The following GRM7 variants were observed in gnomAD, a reference collection of about 807,000 sequenced individuals.
GRM7 encodes glutamate metabotropic receptor 7, also known as metabotropic glutamate receptor 7.
In GRM7, 35 loss-of-function variants were observed where a neutral mutation model predicts 84.5. That is an observed-to-expected ratio of 0.41 (90% CI 0.32 to 0.55). GRM7 has a LOEUF of 0.55. Ranked by LOEUF, GRM7 falls within the 20% of genes least tolerant of loss-of-function variation. GRM7 has a pLI of 0.19. For missense variants in GRM7, 1,003 were observed against 1,194.6 expected (o/e 0.84, Z 2.36); for synonymous variants, 487 against 455.1 (o/e 1.07, Z -0.89).
At chr3:7,643,329 A>AAT (rs1698451053) in intron 8 of GRM7, among the ~76,000 whole-genome samples, 1 of 39,748 alleles carries the variant, frequency 2.5e-5, no homozygotes, top group African/African-American at 1.2e-4. Flanking sequence ...ATGAAAAACA[A>AAT]ACAAAAAAAA....
chr3:7,207,257 A>G (rs1696270960), intron 2 of GRM7, among the ~76,000 whole-genome samples: 1 of 152,130 alleles, frequency 6.6e-6, no homozygotes, highest in African/African-American at 2.4e-5. Flanking sequence ...GAGTTTGGAA[A>G]TATACTCGTG....
chr3:7,586,320 C>A (rs1435497431), intron 8 of GRM7, among the ~76,000 whole-genome samples: 1 of 151,966 alleles, frequency 6.6e-6, no homozygotes, highest in African/African-American at 2.4e-5. Context: ...CCAGCCATTC[C>A]TCTTATATAT....
intron 1 of GRM7, among the ~76,000 whole-genome samples, chr3:7,139,274 T>C (rs1221636846): frequency 6.6e-6 from 1 of 151,724 alleles, no homozygotes; most frequent in Non-Finnish European, 1.5e-5. Flanking sequence ...TCAAAGATGC[T>C]GGAAATAGTT....
intron 1 of GRM7, among the ~76,000 whole-genome samples, chr3:6,936,640 C>T (rs1196277559): frequency 6.6e-6 from 1 of 152,054 alleles, no homozygotes; most frequent in African/African-American, 2.4e-5. Flanking sequence ...CCTGATTGGA[C>T]CCAGGATGAT....
Position 7,366,016 on chromosome 3 carries a change from C to CT in GRM7, c.1034-49007_1034-49006insT, listed in dbSNP as rs200337606. Among the ~76,000 whole-genome samples the CT allele has an allele frequency of 4.8e-3, 735 of 151,756 alleles. 11 individuals carry two copies. Among genetic ancestry groups the CT allele is most frequent in the African/African-American group, 0.017 (709 of 41,486 alleles). On this transcript the variant is annotated intron_variant, in intron 4 of 9. Transcript: ENST00000357716. ...AATAAAGTGCATTTAGACTATAAAACCATGTATGGTCCATTTTTCCATTCC... is the reference window on the plus strand; with the variant it reads ...AATAAAGTGCATTTAGACTATAAAACTCATGTATGGTCCATTTTTCCATTCC...
intron 6 of GRM7, among the ~76,000 whole-genome samples, chr3:7,456,521 G>A (rs572369854): frequency 4.7e-4 from 58 of 123,386 alleles, no homozygotes; most frequent in African/African-American, 1.4e-3. Flanking sequence ...AATCCATACA[G>A]CTAGGTAGCG....
At chr3:7,387,204 A>G (rs1254917153) in intron 4 of GRM7, among the ~76,000 whole-genome samples, 3 of 152,116 alleles carry the variant, frequency 2.0e-5, no homozygotes, top group Non-Finnish European at 4.4e-5. Context: ...TGTTCGATGC[A>G]TAGTTTCCAA....
intron 1 of GRM7, among the ~76,000 whole-genome samples, chr3:7,053,647 A>C (rs1172004806): frequency 1.3e-5 from 2 of 151,234 alleles, no homozygotes; most frequent in Non-Finnish European, 3.0e-5. Context: ...GTTTTGGTTG[A>C]TTGCCTTCTT....
intron 2 of GRM7, among the ~76,000 whole-genome samples, chr3:7,197,181 A>G (rs895027144): frequency 1.1e-4 from 16 of 152,146 alleles, no homozygotes; most frequent in Non-Finnish European, 1.8e-4. Context: ...TTAACCAACA[A>G]ATAGCTGGAA....
chr3:7,462,867 C>T (rs894080476), intron 7 of GRM7, among the ~76,000 whole-genome samples: 1 of 152,114 alleles, frequency 6.6e-6, no homozygotes, highest in Non-Finnish European at 1.5e-5. Flanking sequence ...AGGTACCGTC[C>T]ATGGCTTATA....
chr3:7,456,463 A>G (rs1358909542), intron 6 of GRM7, among the ~76,000 whole-genome samples: 1 of 150,124 alleles, frequency 6.7e-6, no homozygotes, highest in African/African-American at 2.5e-5. Context: ...TTTTTTTTTA[A>G]CAGATAAGGA....
At chr3:7,559,273 AG>A (rs1162824221) in intron 7 of GRM7, 1 of 152,402 alleles carries the variant, frequency 6.6e-6, no homozygotes, top group African/African-American at 2.4e-5. Context: ...GTGCATGTTG[AG>A]GACTGAAGGG....
intron 9 of GRM7, among the ~76,000 whole-genome samples, chr3:7,711,365 G>A (rs925530627): frequency 2.6e-5 from 4 of 152,148 alleles, no homozygotes; most frequent in Non-Finnish European, 5.9e-5. Context: ...AGGCCCTGAG[G>A]CAGGTACAGA....
At chr3:7,506,373 C>T (rs1195825878) in intron 7 of GRM7, among the ~76,000 whole-genome samples, 1 of 152,138 alleles carries the variant, frequency 6.6e-6, no homozygotes, top group East Asian at 1.9e-4. Context: ...AGCTTTCACT[C>T]GAATCACTCT....
intron 1 of GRM7, among the ~76,000 whole-genome samples, chr3:7,070,924 A>C (rs1697855772): frequency 6.6e-6 from 1 of 152,136 alleles, no homozygotes; most frequent in African/African-American, 2.4e-5. Context: ...TTCACTAAAA[A>C]GAGTTCTTTT....
chr3:7,142,025 T>C (rs1243946949), intron 1 of GRM7, among the ~76,000 whole-genome samples: 2 of 152,120 alleles, frequency 1.3e-5, no homozygotes, highest in Admixed American at 6.6e-5. Context: ...CTCATGAGTA[T>C]GTATAAAGGC....
intron 2 of GRM7, among the ~76,000 whole-genome samples, chr3:7,193,955 A>T (rs944799237): frequency 2.0e-5 from 3 of 152,092 alleles, no homozygotes; most frequent in Non-Finnish European, 4.4e-5. Context: ...CTTCAAGATT[A>T]AAAATTATAA....
intron 1 of GRM7, among the ~76,000 whole-genome samples, chr3:7,140,693 A>C (rs1390396138): frequency 2.6e-5 from 4 of 152,068 alleles, no homozygotes; most frequent in Non-Finnish European, 5.9e-5. Context: ...TATTGTTCAT[A>C]GAATAGCTTT....
chr3:7,463,444 G>T (rs577558700), intron 7 of GRM7, among the ~76,000 whole-genome samples: 11 of 152,220 alleles, frequency 7.2e-5, no homozygotes, highest in Admixed American at 2.6e-4. Context: ...TTGTTTGTTT[G>T]GTTTTGGTTT....
Sources: allele counts gnomAD v4.1 joint callset (sites outside exome capture counted in the v4.1 genomes callset), GRCh38; gene constraint gnomAD v4.1.1; transcripts MANE v1.5; gene names NCBI Gene and HGNC (gene_info 2026-07-23, HGNC 2026-07-21).